CPQ: variants seen among roughly 807,000 people sequenced by gnomAD.
CPQ encodes the protein Ser-Met dipeptidase.
A neutral mutation model predicts 45.7 loss-of-function variants in CPQ; 37 were observed. That is an observed-to-expected ratio of 0.81 (90% CI 0.62 to 1.07). CPQ has a LOEUF of 1.07. CPQ is among the 50% of genes least tolerant of loss of function. The pLI is 0.00. For synonymous variants in CPQ, 186 were observed against 205.8 expected, an observed-to-expected ratio of 0.90 and a Z score of 0.82; for missense variants, 537 against 572.9, an observed-to-expected ratio of 0.94 and a Z score of 0.64.
At chr8:97,142,525 C>T (rs1043115373) in intron 7 of CPQ, among the ~76,000 whole-genome samples, 2 of 152,204 alleles carry the variant, frequency 1.3e-5, no homozygotes, top group African/African-American at 2.4e-5. Context: ...AATTTGCAAA[C>T]GTGCAGATAC....
chr8:96,964,906 A>C (rs754067304), intron 4 of CPQ, among the ~76,000 whole-genome samples: 3 of 152,134 alleles, frequency 2.0e-5, no homozygotes. Flanking sequence ...CCAATATTCT[A>C]TATACCCCAG....
intron 2 of CPQ, among the ~76,000 whole-genome samples, chr8:96,821,126 A>ATTTTTTTTTTTTTTTTTTTTTTTTTC (rs572906188): frequency 1.6e-5 from 1 of 60,938 alleles, no homozygotes; most frequent in African/African-American, 7.3e-5. Context: ...TTTAATCTGA[A>ATTTTTTTTTTTTTTTTTTTTTTTTTC]TTTTTTTTTT....
intron 7 of CPQ, among the ~76,000 whole-genome samples, chr8:97,104,885 A>G (rs1811377242): frequency 1.3e-5 from 2 of 152,188 alleles, no homozygotes; most frequent in Admixed American, 6.5e-5. Flanking sequence ...AAGTGTTTCT[A>G]AAATATTTCT....
At chr8:96,822,737 A>G (rs572761654) in intron 2 of CPQ, among the ~76,000 whole-genome samples, 157 of 152,054 alleles carry the variant, frequency 1.0e-3, no homozygotes, top group African/African-American at 3.6e-3. Context: ...TTTCCTGCCT[A>G]GAGGCTTTTG....
At chr8:97,074,699 A>T (rs1810812935) in intron 7 of CPQ, among the ~76,000 whole-genome samples, 2 of 152,110 alleles carry the variant, frequency 1.3e-5, no homozygotes, top group African/African-American at 4.8e-5. Context: ...TGAATCCGGG[A>T]GGCAGAGGTT....
At chr8:96,766,514 T>C (rs921523184) in intron 1 of CPQ, among the ~76,000 whole-genome samples, 4 of 152,120 alleles carry the variant, frequency 2.6e-5, no homozygotes, top group African/African-American at 9.7e-5. Context: ...GCAGCCTCTG[T>C]AGGTGGGTGT....
At chr8:96,886,052 T>G (rs554053563) in intron 4 of CPQ, among the ~76,000 whole-genome samples, 1 of 152,178 alleles carries the variant, frequency 6.6e-6, no homozygotes, top group Non-Finnish European at 1.5e-5. Flanking sequence ...AGGGGTAATA[T>G]ATACCTAAAA....
At chr8:96,907,763 A>G (rs991170451) in intron 4 of CPQ, among the ~76,000 whole-genome samples, 2 of 151,824 alleles carry the variant, frequency 1.3e-5, no homozygotes, top group African/African-American at 4.8e-5. Context: ...CATTTTCTCA[A>G]TTTTAGGGTT....
At chr8:96,798,026 G>A (rs1254514040) in intron 2 of CPQ, among the ~76,000 whole-genome samples, 5 of 151,614 alleles carry the variant, frequency 3.3e-5, no homozygotes, top group African/African-American at 1.2e-4. Flanking sequence ...ACTCCAGCCT[G>A]GGCGGCAGAG....
chr8:96,966,288 C>T (rs1454453242), intron 5 of CPQ, among the ~76,000 whole-genome samples: 1 of 152,136 alleles, frequency 6.6e-6, no homozygotes, highest in African/African-American at 2.4e-5. Context: ...GCAAATAAAA[C>T]TGAAGCAAAT....
At chr8:97,105,022 A>C (rs1042912429) in intron 7 of CPQ, among the ~76,000 whole-genome samples, 4 of 152,230 alleles carry the variant, frequency 2.6e-5, no homozygotes, top group Non-Finnish European at 5.9e-5. Flanking sequence ...TATGTTAATT[A>C]GCAAAGCATT....
At chr8:96,713,085 C>G (rs1809634443) in intron 1 of CPQ, among the ~76,000 whole-genome samples, 1 of 152,192 alleles carries the variant, frequency 6.6e-6, no homozygotes, top group Admixed American at 6.5e-5. Context: ...CAGTTCCCAA[C>G]AAGTTCTTCA....
chr8:96,807,484 G>C lies in CPQ; in HGVS notation c.433+22154G>C, dbSNP rs377496516. Among the ~76,000 whole-genome samples, 345 of 152,074 alleles carry C rather than the reference G, an allele frequency of 2.3e-3. 4 individuals carry two copies. Among genetic ancestry groups the C allele is most frequent in the African/African-American group, 8.1e-3 (338 of 41,518 alleles). ...TCCTGACCTCGTGATCCACCCGCCT[G>C]GACCTCCCAAAGTGCTGGGATTACA... On this transcript the variant is annotated intron_variant, in intron 2 of 7. Coordinates refer to ENST00000220763, the MANE Select transcript of CPQ (RefSeq NM_016134.4).
At chr8:96,950,337 C>A (rs1252350777) in intron 4 of CPQ, among the ~76,000 whole-genome samples, 1 of 152,084 alleles carries the variant, frequency 6.6e-6, no homozygotes, top group Middle Eastern at 3.2e-3. Context: ...TTGCTGGATT[C>A]TGAATCATAT....
intron 5 of CPQ, among the ~76,000 whole-genome samples, chr8:97,023,106 T>C (rs149042090): frequency 7.0e-5 from 7 of 99,498 alleles, no homozygotes; most frequent in East Asian, 5.6e-4. Flanking sequence ...ACTATATATA[T>C]ACACACTATA....
chr8:96,972,594 A>G (rs72664538), intron 5 of CPQ, among the ~76,000 whole-genome samples: 1 of 152,240 alleles, frequency 6.6e-6, no homozygotes, highest in Non-Finnish European at 1.5e-5. Context: ...CCAACACTCT[A>G]AACAAAAACA....
At chr8:96,683,210 G>A (rs1051271257) in intron 1 of CPQ, among the ~76,000 whole-genome samples, 1 of 152,060 alleles carries the variant, frequency 6.6e-6, no homozygotes, top group Non-Finnish European at 1.5e-5. Flanking sequence ...TGATCTAGTG[G>A]TGATGAATTC....
chr8:97,114,784 T>A (rs567130106), intron 7 of CPQ, among the ~76,000 whole-genome samples: 1 of 152,204 alleles, frequency 6.6e-6, no homozygotes, highest in South Asian at 2.1e-4. Context: ...GTGCAGGCAT[T>A]TTCCTTTCTC....
intron 1 of CPQ, among the ~76,000 whole-genome samples, chr8:96,727,374 A>G (rs35781959): frequency 0.028 from 4,286 of 152,214 alleles, 83 homozygotes; most frequent in African/African-American, 0.038. Flanking sequence ...GGTGTGTTCA[A>G]TCATCTACTT....
Sources: gnomAD v4.1 joint callset for allele counts (sites outside exome capture counted in the v4.1 genomes callset) on GRCh38, gnomAD v4.1.1 for gene constraint, MANE v1.5 for transcripts, NCBI Gene and HGNC (gene_info 2026-07-23, HGNC 2026-07-21) for gene names.